Variants in VPS13D observed in about 807,000 individuals in gnomAD.
VPS13D encodes the protein intermembrane lipid transfer protein VPS13D.
Under a neutral mutation model 461.9 loss-of-function variants are expected in VPS13D, and 187 were observed. The ratio of observed to expected loss-of-function variants is 0.40; its 90% confidence interval spans 0.36 to 0.46. The LOEUF is 0.46. Ranked by LOEUF, VPS13D falls within the 20% of genes least tolerant of loss-of-function variation. The probability of loss-of-function intolerance (pLI) is 0.60; values close to 1 mark genes in which losing one functional copy is unlikely to be tolerated. For missense variants in VPS13D, 4,711 were observed against 5,364.9 expected (o/e 0.88, Z 3.81); for synonymous variants, 1,951 against 1,986.3 (o/e 0.98, Z 0.47).
At chr1:12,430,831 A>G (rs1644982264) in intron 65 of VPS13D, among the ~76,000 whole-genome samples, 2 of 152,334 alleles carry the variant, frequency 1.3e-5, no homozygotes, top group African/African-American at 4.8e-5. Context: ...TACGATCACT[A>G]AGAAACAAAG....
intron 52 of VPS13D, among the ~76,000 whole-genome samples, chr1:12,364,713 C>T (rs761934729): frequency 2.6e-5 from 4 of 152,194 alleles, no homozygotes; most frequent in African/African-American, 4.8e-5. Context: ...GAGGTGGTAT[C>T]GCACTGTGGT....
At chr1:12,353,214 A>T (rs1412090073) in intron 46 of VPS13D, among the ~76,000 whole-genome samples, 1 of 152,060 alleles carries the variant, frequency 6.6e-6, no homozygotes, top group Admixed American at 6.6e-5. Flanking sequence ...AACATGGCTG[A>T]ATCTTGTTGA....
intron 62 of VPS13D, among the ~76,000 whole-genome samples, chr1:12,403,434 C>T (rs1644606066): frequency 6.6e-6 from 1 of 152,246 alleles, no homozygotes; most frequent in Admixed American, 6.5e-5. Context: ...TTCAGTTACA[C>T]TGCACTCCAA....
rs746223620 is a variant in VPS13D, at chr1:12,276,806, C to A, written c.3218C>A (p.Thr1073Asn). 7 of 1,614,166 alleles carry A rather than the reference C, an allele frequency of 4.3e-6. No homozygotes were observed. In the Admixed American group the frequency reaches 1.2e-4, roughly 27 times the overall value. The change falls in exon 19 of 70, where the codon ACC becomes AAC. Residue 1073 changes from threonine to asparagine, a missense_variant. Physicochemically the swap from Thr to Asn is moderately conservative, Grantham distance 65. Coordinates refer to ENST00000620676, the MANE Select transcript of VPS13D (RefSeq NM_015378.4). The surrounding 1 kb of genome is among the most constrained non-coding windows in gnomAD (Gnocchi z 4.5). ...AGTGTTTCACTTGACAAAATTCTTA[C>A]CAAAGAGCAAGAGTCCCTTATTAAG... ...ATSVSLDKIL[T>N]KEQESLIKLE...
chr1:12,237,692 T>G (rs1388236424), intron 2 of VPS13D, among the ~76,000 whole-genome samples: 1 of 150,836 alleles, frequency 6.6e-6, no homozygotes, highest in Non-Finnish European at 1.5e-5. Flanking sequence ...CTGGGTGTTG[T>G]GGTGCACGCC....
At chr1:12,482,739 CTAGTATACATATATGTATACA>C (rs56822630) in intron 67 of VPS13D, among the ~76,000 whole-genome samples, 2,803 of 145,310 alleles carry the variant, frequency 0.019, 57 homozygotes, top group African/African-American at 0.049. Flanking sequence ...TGTATATACA[CTAGTATACATATATGTATACA>C]TAGTATACAT....
At chr1:12,366,999 A>G (rs1644045011) in intron 52 of VPS13D, among the ~76,000 whole-genome samples, 1 of 152,196 alleles carries the variant, frequency 6.6e-6, no homozygotes, top group African/African-American at 2.4e-5. Context: ...ATGTTTTCTA[A>G]TAAATAGTTT....
intron 18 of VPS13D, among the ~76,000 whole-genome samples, chr1:12,273,668 C>T (rs1228073951): frequency 6.6e-6 from 1 of 152,106 alleles, no homozygotes; most frequent in Non-Finnish European, 1.5e-5. Context: ...CCTTTTTTGT[C>T]TGGCTTTTTC....
chr1:12,254,510 A>G (rs1640847840), intron 7 of VPS13D, among the ~76,000 whole-genome samples: 1 of 142,400 alleles, frequency 7.0e-6, no homozygotes, highest in Admixed American at 7.0e-5. Flanking sequence ...AAAAAATCTC[A>G]ATCTTTTTTT....
chr1:12,321,765 T>A, intron 32 of VPS13D, 44 bp from the exon 33 acceptor site: 1 of 1,570,076 alleles, frequency 6.4e-7, no homozygotes, highest in Non-Finnish European at 8.6e-7. Flanking sequence ...GGACCCTTCC[T>A]AAATCAGACA....
intron 60 of VPS13D, among the ~76,000 whole-genome samples, chr1:12,388,613 C>A (rs1210113163): frequency 1.3e-5 from 2 of 150,270 alleles, no homozygotes; most frequent in African/African-American, 2.4e-5. Flanking sequence ...AAAAAATAAT[C>A]CAAGAGAAGG....
chr1:12,450,132 A>G (rs372553622), intron 65 of VPS13D, among the ~76,000 whole-genome samples: 1 of 152,218 alleles, frequency 6.6e-6, no homozygotes, highest in South Asian at 2.1e-4. Flanking sequence ...GCAAAAAAAA[A>G]GAGCAATCCC....
chr1:12,488,669 C>CAAAA (rs79424685), intron 67 of VPS13D, among the ~76,000 whole-genome samples: 7 of 82,786 alleles, frequency 8.5e-5, no homozygotes, highest in East Asian at 6.4e-4. Flanking sequence ...TCATTTGAAC[C>CAAAA]AAAAAAAAAA....
In VPS13D at chr1:12,379,640, C is replaced by G. The variant is rs41300104; in HGVS notation, c.11190+44C>G. 7.4e-5 allele frequency: 110 copies of G among 1,480,720 alleles called. 1 individual carries two copies. The East Asian group carries it at 2.4e-3, about 32-fold the overall frequency. 91.7% of individuals were successfully genotyped at this position (1,480,720 alleles called of 1,614,324 possible). A position where few individuals can be genotyped will look rare whatever the true frequency, so the allele number is the denominator to read the frequency against. On this transcript the variant is annotated intron_variant, in intron 57 of 69. Transcript: ENST00000620676. ...CCAATTGCAGCAAGCAGTGGTTGAG[C>G]CTTCTTTGAAACAAAGTCTCTACTA... is the stretch of plus-strand genomic sequence containing the variant.
chr1:12,369,339 G>T (rs1644085094), intron 53 of VPS13D, 128 bp from the exon 54 acceptor site: 1 of 813,714 alleles, frequency 1.2e-6, no homozygotes, highest in Non-Finnish European at 2.0e-6. Context: ...GAATTTCACT[G>T]GGGCTTATTT....
rs556245664 is a variant in VPS13D at position 12,386,046 on chromosome 1, T to C, written c.11485-139T>C. The C allele has an allele frequency of 4.3e-5, 40 of 937,168 alleles. No individual in the cohort carries two copies. The South Asian group carries it at 6.6e-4, about 16-fold the overall frequency. 58.1% of individuals were successfully genotyped at this position (937,168 alleles called of 1,614,324 possible). On this transcript the variant is annotated intron_variant, in intron 59 of 69. Transcript: ENST00000620676. ...GCATTTGAGCCCTCCAGGTAAATAATAGGACTCCCCTAAGTGGTTTTCATC... is the reference window on the plus strand; with the variant it reads ...GCATTTGAGCCCTCCAGGTAAATAACAGGACTCCCCTAAGTGGTTTTCATC...
At chr1:12,334,294 C>T (rs757311647) in intron 38 of VPS13D, among the ~76,000 whole-genome samples, 5 of 152,176 alleles carry the variant, frequency 3.3e-5, no homozygotes, top group African/African-American at 1.2e-4. Context: ...CCTGTGATTT[C>T]TCTAAACTGT....
chr1:12,478,742 C>T (rs1283330506), intron 67 of VPS13D: 23 of 453,432 alleles, frequency 5.1e-5, no homozygotes, highest in South Asian at 1.7e-4. Flanking sequence ...TCCCTCCCCC[C>T]GGCCAGAAAC....
intron 25 of VPS13D, among the ~76,000 whole-genome samples, chr1:12,301,763 TC>T (rs1265383455): frequency 6.6e-6 from 1 of 152,222 alleles, no homozygotes; most frequent in African/African-American, 2.4e-5. Context: ...TGCCTGTACT[TC>T]CAGCAACCCC....
Sources: allele counts gnomAD v4.1 joint callset (sites outside exome capture counted in the v4.1 genomes callset), GRCh38; gene constraint gnomAD v4.1.1; non-coding constraint Gnocchi (gnomAD v3.1); transcripts MANE v1.5; gene names NCBI Gene and HGNC (gene_info 2026-07-23, HGNC 2026-07-21).